SOX6: variants seen among roughly 807,000 people sequenced by gnomAD.
SOX6 encodes SRY-box transcription factor 6, also known as transcription factor SOX-6.
In SOX6, 11 loss-of-function variants were observed where a neutral mutation model predicts 97.8. The ratio of observed to expected loss-of-function variants is 0.11; its 90% confidence interval spans 0.07 to 0.19. The LOEUF (loss-of-function observed/expected upper bound fraction) is 0.19. Among genes scored for constraint, SOX6 ranks in the 10% least tolerant of loss-of-function variants. SOX6 has a pLI of 1.00. For synonymous variants in SOX6, 360 were observed against 371.4 expected, an observed-to-expected ratio of 0.97 and a Z score of 0.35; for missense variants, 810 against 1,039.5, an observed-to-expected ratio of 0.78 and a Z score of 3.04.
chr11:16,065,640 C>A (rs1393082199), intron 9 of SOX6, among the ~76,000 whole-genome samples: 2 of 151,986 alleles, frequency 1.3e-5, no homozygotes, highest in African/African-American at 4.8e-5. Context: ...ACAAAGCTGC[C>A]AAGAATACAT....
intron 4 of SOX6, among the ~76,000 whole-genome samples, chr11:16,537,995 A>C (rs141749252): frequency 0.024 from 3,679 of 152,254 alleles, 151 homozygotes; most frequent in African/African-American, 0.083. Flanking sequence ...GATACTCCTC[A>C]AGAAGAGCAA....
intron 1 of SOX6, among the ~76,000 whole-genome samples, chr11:16,455,867 T>C (rs916308275): frequency 6.6e-6 from 1 of 152,108 alleles, no homozygotes; most frequent in African/African-American, 2.4e-5. Flanking sequence ...TTCTAATAAA[T>C]TCTTTATATA....
intron 1 of SOX6, among the ~76,000 whole-genome samples, chr11:16,345,334 T>C (rs1856748063): frequency 6.6e-6 from 1 of 151,992 alleles, no homozygotes. Flanking sequence ...TTGGGACACA[T>C]AAAACTAAAT....
chr11:16,426,777 A>C (rs976881954), intron 1 of SOX6, among the ~76,000 whole-genome samples: 2 of 150,294 alleles, frequency 1.3e-5, no homozygotes, highest in Admixed American at 6.6e-5. Context: ...AGCCGGGCGT[A>C]GTGGCGGGCG....
intron 4 of SOX6, among the ~76,000 whole-genome samples, chr11:16,506,386 T>A (rs1860789338): frequency 6.6e-6 from 1 of 152,084 alleles, no homozygotes; most frequent in Non-Finnish European, 1.5e-5. Context: ...GGAAAGGGAG[T>A]ATTTCCCCAA....
At chr11:15,990,352 GTTGT>G (rs1854010561) in intron 13 of SOX6, among the ~76,000 whole-genome samples, 1 of 151,872 alleles carries the variant, frequency 6.6e-6, no homozygotes, top group African/African-American at 2.4e-5. Context: ...CTATTTTTCT[GTTGT>G]TTAAGGGTAG....
At chr11:16,088,579 C>T (rs769086672) in intron 9 of SOX6, among the ~76,000 whole-genome samples, 5 of 152,014 alleles carry the variant, frequency 3.3e-5, no homozygotes, top group Non-Finnish European at 1.5e-5. Context: ...TTCAAATTTC[C>T]TGAGCATGAT....
At chr11:16,073,417 C>A (rs921896311) in intron 9 of SOX6, among the ~76,000 whole-genome samples, 6 of 152,162 alleles carry the variant, frequency 3.9e-5, no homozygotes, top group Non-Finnish European at 5.9e-5. Context: ...AATATGTATG[C>A]ACCCAACACA....
intron 1 of SOX6, among the ~76,000 whole-genome samples, chr11:16,461,861 T>C (rs1347446989): frequency 6.6e-6 from 1 of 152,188 alleles, no homozygotes; most frequent in African/African-American, 2.4e-5. Flanking sequence ...AGCCATGCAT[T>C]GGTTCACTTA....
At chr11:16,106,630 A>C (rs1284165022) in intron 7 of SOX6, among the ~76,000 whole-genome samples, 1 of 152,000 alleles carries the variant, frequency 6.6e-6, no homozygotes, top group African/African-American at 2.4e-5. Context: ...AAGCTAAAAA[A>C]ACTAAACCCT....
intron 3 of SOX6, among the ~76,000 whole-genome samples, chr11:16,680,354 A>C (rs1025824296): frequency 6.6e-6 from 1 of 152,214 alleles, no homozygotes; most frequent in African/African-American, 2.4e-5. Context: ...TATCCAGCCA[A>C]ACTAAGCTTT....
chr11:15,987,683 G>A (rs957758070), intron 14 of SOX6, among the ~76,000 whole-genome samples: 1 of 144,514 alleles, frequency 6.9e-6, no homozygotes, highest in South Asian at 2.1e-4. Context: ...GGCCAGAGAA[G>A]CACTGATTTT....
At chr11:16,591,374 G>T (rs1269907128) in intron 4 of SOX6, among the ~76,000 whole-genome samples, 2 of 148,368 alleles carry the variant, frequency 1.3e-5, no homozygotes, top group African/African-American at 2.5e-5. Flanking sequence ...TAGATAGATA[G>T]ATTTCAGAAA....
At chr11:16,262,872 G>A (rs1298756062) in intron 3 of SOX6, among the ~76,000 whole-genome samples, 2 of 151,908 alleles carry the variant, frequency 1.3e-5, no homozygotes. Flanking sequence ...ATAGTTAGTG[G>A]CTGAGAAATA....
intron 6 of SOX6, among the ~76,000 whole-genome samples, chr11:16,173,308 G>C (rs1851090002): frequency 6.6e-6 from 1 of 151,784 alleles, no homozygotes; most frequent in East Asian, 1.9e-4. Context: ...GTATATCCTT[G>C]GAACTTCTAA....
At chr11:16,228,940 C>G (rs1852764800) in intron 4 of SOX6, among the ~76,000 whole-genome samples, 1 of 151,952 alleles carries the variant, frequency 6.6e-6, no homozygotes, top group Non-Finnish European at 1.5e-5. Flanking sequence ...TTATGAGAAA[C>G]CACTGGTTTT....
chr11:16,576,790 A>C (rs947917977), intron 4 of SOX6: 5 of 152,356 alleles, frequency 3.3e-5, no homozygotes, highest in African/African-American at 9.6e-5. Flanking sequence ...GATATTACAG[A>C]TATTACAGAT....
At chr11:16,406,744 T>A (rs956062609) in intron 1 of SOX6, among the ~76,000 whole-genome samples, 1 of 152,102 alleles carries the variant, frequency 6.6e-6, no homozygotes, top group Non-Finnish European at 1.5e-5. Context: ...AAAGAAGAAC[T>A]GGGTTCTTTA....
intron 4 of SOX6, among the ~76,000 whole-genome samples, chr11:16,558,911 ATTT>A (rs898509176): frequency 6.6e-6 from 1 of 152,076 alleles, no homozygotes; most frequent in African/African-American, 2.4e-5. Flanking sequence ...GTAAAAAGTG[ATTT>A]TTTAGCATCG....
Sources: allele counts gnomAD v4.1 joint callset (sites outside exome capture counted in the v4.1 genomes callset), GRCh38; gene constraint gnomAD v4.1.1; transcripts MANE v1.5; gene names NCBI Gene and HGNC (gene_info 2026-07-23, HGNC 2026-07-21).